WASHC4: variants seen among roughly 807,000 people sequenced by gnomAD.
WASHC4 encodes WASH complex subunit 4.
A neutral mutation model predicts 166.6 loss-of-function variants in WASHC4; 86 were observed. The ratio of observed to expected loss-of-function variants is 0.52; its 90% CI spans 0.43 to 0.62. The LOEUF is 0.62. Among genes scored for constraint, WASHC4 ranks in the 20% least tolerant of loss-of-function variants. The pLI is 0.00. For synonymous variants in WASHC4, 446 were observed against 451.6 expected (o/e 0.99, Z 0.16); for missense variants, 1,262 against 1,382.4 (o/e 0.91, Z 1.38).
At chr12:105,144,895 T>A (rs1255070375) in intron 22 of WASHC4, 23 bp downstream of exon 22, 6 of 1,610,196 alleles carry the variant, frequency 3.7e-6, no homozygotes, top group Non-Finnish European at 5.1e-6. Flanking sequence ...ATGTTTTTTT[T>A]AGCATACTGT....
At chr12:105,133,399 C>A (rs902957750) in intron 13 of WASHC4, among the ~76,000 whole-genome samples, 14 of 152,186 alleles carry the variant, frequency 9.2e-5, no homozygotes, top group Non-Finnish European at 1.8e-4. Flanking sequence ...TGTACCTCCA[C>A]CCCAGTCCTT....
intron 8 of WASHC4, 44 bp downstream of exon 8, chr12:105,120,641 A>C: frequency 7.3e-7 from 1 of 1,375,042 alleles, no homozygotes; most frequent in South Asian, 1.2e-5. Context: ...AATTATTACT[A>C]TATTTTACTT....
At chr12:105,139,425 G>GTGTGTGTGTGTGTGTGTGTGTA in intron 15 of WASHC4, among the ~76,000 whole-genome samples, 44 of 103,212 alleles carry the variant, frequency 4.3e-4, no homozygotes, top group African/African-American at 1.1e-3. Flanking sequence ...ATGTGTGTGT[G>GTGTGTGTGTGTGTGTGTGTGTA]TATATATATA....
chr12:105,133,400 C>T (rs1023793702), intron 13 of WASHC4, among the ~76,000 whole-genome samples: 1 of 152,134 alleles, frequency 6.6e-6, no homozygotes, highest in African/African-American at 2.4e-5. Context: ...GTACCTCCAC[C>T]CCAGTCCTTA....
Position 105,108,738 on chromosome 12 carries a change from A to ATT in WASHC4, c.61+886_61+887dup, listed in dbSNP as rs57094540. Reference sequence around the variant, plus strand: ...GAGAGATTGGAGCATGCTGTTTGTGATTTTTTTTTTCCCTCATAGTTTTCC... The same window carrying ATT: ...GAGAGATTGGAGCATGCTGTTTGTGATTTTTTTTTTTTCCCTCATAGTTTTCC... On this transcript the variant is annotated intron_variant, in intron 1 of 32. Transcript: ENST00000332180. Among the ~76,000 whole-genome samples the ATT allele has an allele frequency of 2.4e-4, 36 of 150,884 alleles. 1 individual carries two copies. The highest frequency in any genetic ancestry group is 8.4e-4 in the South Asian group (4 of 4,764).
chr12:105,152,939 A>G (rs915884875), intron 26 of WASHC4, among the ~76,000 whole-genome samples: 1 of 152,210 alleles, frequency 6.6e-6, no homozygotes, highest in African/African-American at 2.4e-5. Context: ...TAGTACTTTT[A>G]TATTTAAAAG....
intron 21 of WASHC4, 34 bp downstream of exon 21, chr12:105,144,489 T>C: frequency 6.4e-7 from 1 of 1,560,144 alleles, no homozygotes; most frequent in Non-Finnish European, 8.8e-7. Context: ...AGAGTCATAT[T>C]CTCTTTTTTT....
At chr12:105,164,012 A>G in intron 30 of WASHC4, 99 bp from the exon 31 acceptor site, 2 of 1,053,358 alleles carry the variant, frequency 1.9e-6, no homozygotes, top group Non-Finnish European at 2.9e-6. Flanking sequence ...GCTAGGAATT[A>G]TTACTCAGAA....
At chr12:105,162,003 G>A (rs1056102447) in intron 29 of WASHC4, among the ~76,000 whole-genome samples, 2 of 152,200 alleles carry the variant, frequency 1.3e-5, no homozygotes, top group African/African-American at 4.8e-5. Flanking sequence ...CATTTCAAGT[G>A]CTCAGTGGCC....
chr12:105,156,325 A>G (rs1376160142), intron 26 of WASHC4, among the ~76,000 whole-genome samples: 1 of 152,222 alleles, frequency 6.6e-6, no homozygotes, highest in East Asian at 1.9e-4. Flanking sequence ...GGCCAGAGAT[A>G]TAAATTTGGG....
At chr12:105,116,603 A>G (rs78564067) in intron 6 of WASHC4, among the ~76,000 whole-genome samples, 2 of 152,094 alleles carry the variant, frequency 1.3e-5, no homozygotes, top group Non-Finnish European at 2.9e-5. Flanking sequence ...TGCTGAGTAG[A>G]TTTTAGCTGC....
chr12:105,159,931 T>C (rs1459021629), intron 28 of WASHC4, 70 bp from the exon 29 acceptor site: 13 of 1,385,322 alleles, frequency 9.4e-6, no homozygotes, highest in Non-Finnish European at 1.3e-5. Context: ...ATCTAAACTA[T>C]TGAGAGATGG....
At chr12:105,125,371 T>C (rs553028815) in intron 10 of WASHC4, among the ~76,000 whole-genome samples, 1 of 112,664 alleles carries the variant, frequency 8.9e-6, no homozygotes, top group South Asian at 3.6e-4. Flanking sequence ...ATGCATAAAA[T>C]ATATGTAGAT....
intron 14 of WASHC4, among the ~76,000 whole-genome samples, chr12:105,134,652 T>G (rs7307834): frequency 0.016 from 2,438 of 152,206 alleles, 43 homozygotes; most frequent in African/African-American, 0.042. Flanking sequence ...AACTGTTTTC[T>G]TTTAATTAAT....
intron 13 of WASHC4, 84 bp downstream of exon 13, chr12:105,127,373 A>G: frequency 1.0e-6 from 1 of 976,914 alleles, no homozygotes; most frequent in East Asian, 2.6e-5. Context: ...GTATAGTACC[A>G]TTTGAATTAT....
rs750822981 is a variant in WASHC4 at position 105,157,231 on chromosome 12, T to G, written c.2826-5T>G. On this transcript the variant is annotated splice_region_variant and splice_polypyrimidine_tract_variant and intron_variant, in intron 27 of 32. Coordinates refer to ENST00000332180, the MANE Select transcript of WASHC4 (RefSeq NM_015275.3). ...TAATAAATGCCTTCCCAAATTCTTA[T>G]GTAGATTTGTTCCTGATCTTGAAGA... The G allele has an allele frequency of 8.5e-6, 12 of 1,419,714 alleles. No individual in the cohort carries two copies. Among genetic ancestry groups the G allele is most frequent in the Non-Finnish European group, 1.2e-5 (12 of 1,006,236 alleles). 87.9% of individuals were successfully genotyped at this position (1,419,714 alleles called of 1,614,324 possible).
chr12:105,127,220 G>C lies in WASHC4; in HGVS notation c.1130G>C (p.Arg377Thr). ...CCAGCAGCTGCCAAACTGCTAGACA[G>C]AAAAAGTCTTCAAGCCATTAAAATA... ...KIPAAAKLLD[R>T]KSLQAIKIHR... The change falls in exon 13 of 33, where the codon AGA (arginine) becomes ACA (threonine). Residue 377 changes from arginine (R) to threonine (T), a missense_variant. By Grantham distance (71) the Arg-to-Thr change is moderately conservative. Transcript: ENST00000332180. 1 of 1,610,784 alleles carries C rather than the reference G, an allele frequency of 6.2e-7. No individual in the cohort carries two copies. Among genetic ancestry groups the C allele is most frequent in the Non-Finnish European group, 8.5e-7 (1 of 1,178,216 alleles).
intron 24 of WASHC4, chr12:105,148,694 A>G: frequency 1.0e-6 from 1 of 985,312 alleles, no homozygotes; most frequent in Non-Finnish European, 1.2e-6. Context: ...TTGTTTCCAT[A>G]ATTGGGTAAA....
chr12:105,124,048 A>G (rs1240642431), intron 10 of WASHC4, among the ~76,000 whole-genome samples: 1 of 152,188 alleles, frequency 6.6e-6, no homozygotes, highest in Non-Finnish European at 1.5e-5. Context: ...AGTGTTTTTT[A>G]ATTAATATAC....
Sources: allele counts gnomAD v4.1 joint callset (sites outside exome capture counted in the v4.1 genomes callset), GRCh38; gene constraint gnomAD v4.1.1; transcripts MANE v1.5; gene names NCBI Gene and HGNC (gene_info 2026-07-23, HGNC 2026-07-21).